CARHSP1: variants seen among roughly 807,000 people sequenced by gnomAD.
The protein encoded by CARHSP1 is calcium-regulated heat-stable protein 1.
In CARHSP1, 14 loss-of-function variants were observed where a neutral mutation model predicts 12.5. The observed-to-expected ratio is 1.12, with a 90% CI of 0.74 to 1.75. The LOEUF is 1.75. Ranked by LOEUF, CARHSP1 falls within the 40% of genes most tolerant of loss-of-function variation. The pLI is 0.00. For missense variants in CARHSP1, 343 were observed against 201.6 expected, an observed-to-expected ratio of 1.70 and a Z score of -4.25; for synonymous variants, 161 against 82.0, an observed-to-expected ratio of 1.96 and a Z score of -5.20.
chr16:8,859,972 G>C (rs928801689), intron 1 of CARHSP1: 73 of 193,220 alleles, frequency 3.8e-4, no homozygotes, highest in Non-Finnish European at 5.6e-4. Flanking sequence ...GCAAGACTCT[G>C]TCTCAAAAAA....
In CARHSP1 at chr16:8,855,229, C is replaced by T. The variant is rs769411731; in HGVS notation, c.379G>A (p.Val127Ile). The T allele has an allele frequency of 2.5e-5, 40 of 1,613,024 alleles. No homozygotes were observed. The highest frequency in any genetic ancestry group is 1.7e-4 in the Admixed American group (10 of 59,896). Residue 127 changes from valine to isoleucine, a missense_variant, in exon 4 of 4, where the codon GTC (valine) becomes ATC (isoleucine). Coordinates refer to ENST00000311052, the MANE Select transcript of CARHSP1 (RefSeq NM_014316.4). Reference protein sequence around the residue: ...KNEKLQAVEVVITHLAPGTKH... With the variant: ...KNEKLQAVEVIITHLAPGTKH... ...GTGCCTGGTGCCAGGTGAGTGATGA[C>T]GACCTCCACGGCCTGCAGCTTCTCA...
At chr16:8,857,279 T>TTTTTTTTTTTTTTTTTTTTTTTTTTTG (rs2061160214) in intron 3 of CARHSP1, among the ~76,000 whole-genome samples, 1 of 119,838 alleles carries the variant, frequency 8.3e-6, no homozygotes, top group Non-Finnish European at 1.8e-5. Context: ...TTTTTTTTTT[T>TTTTTTTTTTTTTTTTTTTTTTTTTTTG]TTTTTTTTTT....
At chr16:8,865,466 C>T (rs561891227) in intron 1 of CARHSP1, among the ~76,000 whole-genome samples, 10 of 152,280 alleles carry the variant, frequency 6.6e-5, no homozygotes, top group African/African-American at 2.4e-4. Flanking sequence ...TGATAGAAGG[C>T]AGGGGGATAA....
chr16:8,866,474 C>G (rs921350961), intron 1 of CARHSP1: 1 of 985,408 alleles, frequency 1.0e-6, no homozygotes, highest in Non-Finnish European at 1.2e-6. Flanking sequence ...CTGAGCTGAC[C>G]CATCCCAGTC....
In CARHSP1 at chr16:8,855,244, G is replaced by A. The variant is rs760441738; in HGVS notation, c.364C>T (p.Gln122Ter). 1.2e-6 allele frequency: 2 copies of A among 1,613,298 alleles called. No individual in the cohort carries two copies. Among genetic ancestry groups the A allele is most frequent in the Non-Finnish European group, 1.7e-6 (2 of 1,179,504 alleles). ...CSIPPKNEKL[Q>*]AVEVVITHLA... ...TGAGTGATGACGACCTCCACGGCCT[G>A]CAGCTTCTCATTCTTGGGTGGGATG... The change falls in exon 4 of 4, where the codon CAG becomes TAG. Residue 122 changes from glutamine to a stop codon, truncating the protein, a stop_gained. Coordinates refer to ENST00000311052, the MANE Select transcript of CARHSP1 (RefSeq NM_014316.4). LOFTEE classifies it high-confidence loss of function.
chr16:8,855,296 G>A lies in CARHSP1; in HGVS notation c.312C>T (p.Gly104=), dbSNP rs763843068. 16 of 1,608,362 alleles carry A rather than the reference G, an allele frequency of 9.9e-6. No homozygotes were observed. The highest frequency in any genetic ancestry group is 1.7e-4 in the Middle Eastern group (1 of 6,054). The change falls in exon 4 of 4, where the codon GGC becomes GGT. Residue 104 remains glycine, a synonymous_variant. Transcript: ENST00000311052. ...AGCACATTTTATAGGTGACCTCGTC[G>A]CCTTCCACTGGGACATACTCCCCTT... ...DVEGEYVPVE[G]DEVTYKMCSI... is the part of the protein sequence containing the mutation.
chr16:8,857,263 G>GTTTTTTGTTTTTTGTTTTTT lies in CARHSP1; in HGVS notation c.281+1086_281+1087insAAAAAACAAAAAACAAAAAA, dbSNP rs1315960023. Among the ~76,000 whole-genome samples the GTTTTTTGTTTTTTGTTTTTT allele has an allele frequency of 6.0e-4, 34 of 57,036 alleles. 1 individual carries two copies. Among genetic ancestry groups the GTTTTTTGTTTTTTGTTTTTT allele is most frequent in the East Asian group, 5.4e-3 (6 of 1,120 alleles). 37.4% of individuals were successfully genotyped at this position (57,036 alleles called of 152,430 possible). A position where few individuals can be genotyped will look rare whatever the true frequency, so the allele number is the denominator to read the frequency against. ...TGGCTATGTGATCTTGGGCAGATCT[G>GTTTTTTGTTTTTTGTTTTTT]TTTTTTTTTTTTTTTTTTTTTTTTT... On this transcript the variant is annotated intron_variant, in intron 3 of 3. Transcript: ENST00000311052.
chr16:8,861,945 C>T (rs1226171435), intron 1 of CARHSP1: 1 of 275,704 alleles, frequency 3.6e-6, no homozygotes, highest in African/African-American at 2.3e-5. Context: ...TTGTTCTATC[C>T]AAAGTCTCCC....
rs765114977 is a variant in CARHSP1 at position 8,861,158 on chromosome 16, ATTTTTTTTTTTTTTTTTTT to A, written c.-7-1842_-7-1824del. Reference sequence around the variant, plus strand: ...ACTGTAGCCTTGACCTCCATGCCTAATTTTTTTTTTTTTTTTTTTTTTTTTTTTTTTTTTTTTTTTTATA... The same window carrying A: ...ACTGTAGCCTTGACCTCCATGCCTAATTTTTTTTTTTTTTTTTTTTTTATA... On this transcript the variant is annotated intron_variant, in intron 1 of 3. Transcript: ENST00000311052. Among the ~76,000 whole-genome samples, 133 of 51,268 alleles carry A rather than the reference ATTTTTTTTTTTTTTTTTTT, an allele frequency of 2.6e-3. 4 individuals are homozygous for A. In the East Asian group the frequency reaches 0.064, roughly 25 times the overall value. The allele number at this position is 51,268 out of a possible 152,430, so 33.6% of individuals were successfully genotyped here.
intron 1 of CARHSP1, among the ~76,000 whole-genome samples, chr16:8,864,942 C>A (rs557555441): frequency 4.6e-4 from 70 of 152,294 alleles, no homozygotes; most frequent in African/African-American, 1.6e-3. Context: ...ACGGCCCAAT[C>A]ATGCAGCCCC....
chr16:8,860,426 T>G (rs2061315147), intron 1 of CARHSP1: 5 of 985,430 alleles, frequency 5.1e-6, no homozygotes, highest in Non-Finnish European at 6.0e-6. Context: ...AGCAGGACAC[T>G]CGCTGTACAC....
intron 1 of CARHSP1, among the ~76,000 whole-genome samples, chr16:8,863,682 C>A (rs536184978): frequency 2.6e-4 from 40 of 152,182 alleles, no homozygotes; most frequent in South Asian, 1.2e-3. Flanking sequence ...AAGGGCCACT[C>A]ACTCCCCAGT....
chr16:8,857,755 CA>C (rs1567181949), intron 3 of CARHSP1: 11 of 46,150 alleles, frequency 2.4e-4, no homozygotes, highest in African/African-American at 8.2e-4. Context: ...ACGCCCTGCT[CA>C]TTATTTTTTT....
chr16:8,861,803 C>A, intron 1 of CARHSP1: 2 of 1,216,782 alleles, frequency 1.6e-6, no homozygotes, highest in Non-Finnish European at 2.1e-6. Context: ...GTCATAGAGT[C>A]CTAGAATGTT....
intron 3 of CARHSP1, chr16:8,858,082 C>T (rs947945078): frequency 1.9e-5 from 9 of 482,804 alleles, no homozygotes; most frequent in Non-Finnish European, 3.0e-5. Flanking sequence ...CCTTACACAC[C>T]CATTCACAAA....
At chr16:8,858,591 TCACACAGGCTGAGGACTG>T (rs2061233378) in intron 2 of CARHSP1, 119 bp from the exon 3 acceptor site, 1 of 1,256,482 alleles carries the variant, frequency 8.0e-7, no homozygotes, top group East Asian at 2.5e-5. Context: ...CCATGTACAG[TCACACAGGCTGAGGACTG>T]CACAACCCTC....
At chr16:8,859,611 C>T (rs1273062393) in intron 1 of CARHSP1, among the ~76,000 whole-genome samples, 2 of 152,068 alleles carry the variant, frequency 1.3e-5, no homozygotes, top group Non-Finnish European at 2.9e-5. Flanking sequence ...GTGTCCCCAG[C>T]ACAAGGCATG....
At position 8,860,202 on chromosome 16, in the gene CARHSP1, C is replaced by T. The variant is rs922020388; in HGVS notation, c.-7-867G>A. On this transcript the variant is annotated intron_variant, in intron 1 of 3. Coordinates refer to ENST00000311052, the MANE Select transcript of CARHSP1 (RefSeq NM_014316.4). ...TGAGCAGCTGTCACAAGCCTGCACC[C>T]AGGACTGGGGGGCCTGCTGCGAGAG... 3 of 985,322 alleles carry T rather than the reference C, an allele frequency of 3.0e-6. No individual in the cohort carries two copies. The African/African-American group carries it at 5.2e-5, about 17-fold the overall frequency. 61.0% of individuals were successfully genotyped at this position (985,322 alleles called of 1,614,324 possible).
rs1043682508 is a variant in CARHSP1, at chr16:8,854,750, G to C, written c.*414C>G. 1.3e-5 allele frequency: 2 copies of C among 157,678 alleles called. No homozygotes were observed. Among genetic ancestry groups the C allele is most frequent in the African/African-American group, 4.8e-5 (2 of 41,654 alleles). 9.8% of individuals were successfully genotyped at this position (157,678 alleles called of 1,614,324 possible). On this transcript the variant is annotated 3_prime_UTR_variant, in exon 4 of 4. Coordinates refer to ENST00000311052, the MANE Select transcript of CARHSP1 (RefSeq NM_014316.4). ...GAGAAGTCACGCAAGGTCCCTGTCAGGCTGCCAGGGGGCCAGATCTGGGAA... is the reference window on the plus strand; with the variant it reads ...GAGAAGTCACGCAAGGTCCCTGTCACGCTGCCAGGGGGCCAGATCTGGGAA...
Sources: allele counts gnomAD v4.1 joint callset (sites outside exome capture counted in the v4.1 genomes callset), GRCh38; gene constraint gnomAD v4.1.1; transcripts MANE v1.5; gene names NCBI Gene and HGNC (gene_info 2026-07-23, HGNC 2026-07-21).